Variants in LAMA2 observed in about 807,000 individuals in gnomAD.
The protein encoded by LAMA2 is laminin subunit alpha 2.
Under a neutral mutation model 364.8 loss-of-function variants are expected in LAMA2, and 269 were observed. That is an observed-to-expected ratio of 0.74 (90% CI 0.67 to 0.82). The LOEUF is 0.82. Among genes scored for constraint, LAMA2 ranks in the 40% least tolerant of loss-of-function variants. The pLI, the probability that LAMA2 is intolerant of heterozygous loss-of-function variation, is 0.00. For missense variants in LAMA2, 3,807 were observed against 3,873.2 expected, an observed-to-expected ratio of 0.98 and a Z score of 0.45; for synonymous variants, 1,379 against 1,370.6, an observed-to-expected ratio of 1.01 and a Z score of -0.14.
At chr6:129,402,256 A>C in intron 38 of LAMA2, 68 bp from the exon 39 acceptor site, 42 of 1,199,906 alleles carry the variant, frequency 3.5e-5, no homozygotes, top group Middle Eastern at 2.0e-4. Context: ...TATGTCTCAT[A>C]GAGAAATTAG....
intron 22 of LAMA2, among the ~76,000 whole-genome samples, chr6:129,304,231 G>A (rs1773726052): frequency 6.6e-6 from 1 of 152,150 alleles, no homozygotes; most frequent in African/African-American, 2.4e-5. Flanking sequence ...CTTACTTTGA[G>A]TTTAATTTTC....
rs1482669448 is a variant in LAMA2 at position 129,475,486 on chromosome 6, A to G, written c.7451+85A>G. 6 of 933,950 alleles carry G rather than the reference A, an allele frequency of 6.4e-6. No homozygotes were observed. In the East Asian group the frequency reaches 1.5e-4, roughly 23 times the overall value. The allele number at this position is 933,950 out of a possible 1,614,324, so 57.9% of individuals were successfully genotyped here. ...TTAGATAAAGCAGCCGTGCAGAAGC[A>G]GAGCAACACCAGTACAGCTTTGTTC... is the stretch of plus-strand genomic sequence containing the variant. On this transcript the variant is annotated intron_variant, in intron 53 of 64. Coordinates refer to ENST00000421865, the MANE Select transcript of LAMA2 (RefSeq NM_000426.4).
intron 4 of LAMA2, among the ~76,000 whole-genome samples, chr6:129,124,663 C>A (rs1326887669): frequency 6.6e-6 from 1 of 152,084 alleles, no homozygotes; most frequent in African/African-American, 2.4e-5. Context: ...TGCTGTCTTG[C>A]AAGTAGAATA....
intron 40 of LAMA2, among the ~76,000 whole-genome samples, chr6:129,418,438 A>G (rs1285002774): frequency 2.0e-5 from 3 of 152,082 alleles, no homozygotes; most frequent in Admixed American, 6.5e-5. Flanking sequence ...TGGCTATGAT[A>G]GTCCAGATTT....
At position 129,215,697 on chromosome 6, in the gene LAMA2, C is replaced by T. The variant is rs80256648; in HGVS notation, c.1782+22844C>T. Among the ~76,000 whole-genome samples the T allele has an allele frequency of 1.1e-3, 170 of 152,170 alleles. 5 individuals are homozygous for T. In the East Asian group the frequency reaches 0.028, roughly 25 times the overall value. On this transcript the variant is annotated intron_variant, in intron 12 of 64. Transcript: ENST00000421865. ...GATTTCTTCACCTTGTATCCTTTGT[C>T]ACTTTATCTATAAAATGGAGAGTGT...
At chr6:128,946,421 A>T (rs1172837123) in intron 1 of LAMA2, among the ~76,000 whole-genome samples, 1 of 152,202 alleles carries the variant, frequency 6.6e-6, no homozygotes, top group Non-Finnish European at 1.5e-5. Context: ...GTGGACTGGG[A>T]TCCTCAGCTT....
chr6:129,191,608 G>A (rs1781527489), intron 11 of LAMA2, among the ~76,000 whole-genome samples: 1 of 152,072 alleles, frequency 6.6e-6, no homozygotes, highest in Non-Finnish European at 1.5e-5. Context: ...ACGTTAGAAA[G>A]GGAAGAAATG....
rs1394348694 is a variant in LAMA2, at chr6:128,998,439, T to C, written c.113-51479T>C. On this transcript the variant is annotated intron_variant, in intron 1 of 64. Transcript: ENST00000421865. ...AACAGCTCCGCTCTACAGCTCCCAG[T>C]GTGAGCGACGCAGAAGACGGTGATT... is the stretch of plus-strand genomic sequence containing the variant. Among the ~76,000 whole-genome samples the C allele has an allele frequency of 7.2e-5, 5 of 69,462 alleles. 1 individual carries two copies. The highest frequency in any genetic ancestry group is 1.1e-4 in the Admixed American group (1 of 8,904). 45.6% of individuals were successfully genotyped at this position (69,462 alleles called of 152,430 possible).
At position 129,032,463 on chromosome 6, in the gene LAMA2, A is replaced by G. The variant is rs80178826; in HGVS notation, c.113-17455A>G. Among the ~76,000 whole-genome samples the G allele has an allele frequency of 2.5e-3, 378 of 152,314 alleles. 14 individuals carry two copies. In the East Asian group the frequency reaches 0.069, roughly 28 times the overall value. On this transcript the variant is annotated intron_variant, in intron 1 of 64. Coordinates refer to ENST00000421865, the MANE Select transcript of LAMA2 (RefSeq NM_000426.4). ...GGAGCGTTAAGGAACAGAGATTTCT[A>G]GACAAGCCCTAAGCAAGGAAAAAGC...
chr6:129,154,233 A>G (rs1778974397), intron 7 of LAMA2, among the ~76,000 whole-genome samples: 1 of 152,134 alleles, frequency 6.6e-6, no homozygotes, highest in Non-Finnish European at 1.5e-5. Context: ...CAACATGGTG[A>G]AGCCCCATCT....
At chr6:129,056,892 G>T (rs1033812740) in intron 2 of LAMA2, among the ~76,000 whole-genome samples, 1 of 75,692 alleles carries the variant, frequency 1.3e-5, no homozygotes, top group Non-Finnish European at 2.6e-5. Context: ...CACCATGCCT[G>T]TGCTATTTTT....
In LAMA2 at chr6:129,205,478, G is replaced by GTATATATATATATA. The variant is rs749614184; in HGVS notation, c.1782+12628_1782+12641dup. Among the ~76,000 whole-genome samples the GTATATATATATATA allele has an allele frequency of 1.9e-3, 216 of 116,250 alleles. 2 individuals carry two copies. The highest frequency in any genetic ancestry group is 8.5e-3 in the African/African-American group (186 of 21,986). 76.3% of individuals were successfully genotyped at this position (116,250 alleles called of 152,430 possible). The stretch of plus-strand genomic sequence containing the variant: ...TCTCTTCTGGGAATTTATTCTGTAA[G>GTATATATATATATA]TATATATATATATATACACACACAC... On this transcript the variant is annotated intron_variant, in intron 12 of 64. Coordinates refer to ENST00000421865, the MANE Select transcript of LAMA2 (RefSeq NM_000426.4).
chr6:129,471,653 A>G (rs1783819039), intron 51 of LAMA2, among the ~76,000 whole-genome samples: 1 of 151,896 alleles, frequency 6.6e-6, no homozygotes, highest in Non-Finnish European at 1.5e-5. Flanking sequence ...TTATAAATCT[A>G]TTTTCTTTTA....
intron 7 of LAMA2, among the ~76,000 whole-genome samples, chr6:129,152,742 T>A (rs1428548574): frequency 6.6e-6 from 1 of 152,138 alleles, no homozygotes; most frequent in East Asian, 1.9e-4. Flanking sequence ...TCCCAGTATG[T>A]GTGTGGTGTT....
chr6:129,465,395 G>C (rs187794519), intron 51 of LAMA2, 106 bp downstream of exon 51: 3 of 982,984 alleles, frequency 3.1e-6, no homozygotes, highest in Non-Finnish European at 4.8e-6. Flanking sequence ...AGCTACTCAC[G>C]AGTTCAGTGA....
At chr6:129,088,440 G>A (rs1374609422) in intron 3 of LAMA2, among the ~76,000 whole-genome samples, 2 of 152,256 alleles carry the variant, frequency 1.3e-5, no homozygotes, top group African/African-American at 4.8e-5. Context: ...CGGCTGGGCA[G>A]AGGGGCTCCT....
At chr6:129,023,917 T>G (rs1042941121) in intron 1 of LAMA2, among the ~76,000 whole-genome samples, 1 of 152,226 alleles carries the variant, frequency 6.6e-6, no homozygotes, top group Non-Finnish European at 1.5e-5. Flanking sequence ...TGTTTGTCAT[T>G]CAGTCCATTT....
At chr6:129,250,357 C>G (rs1036447009) in intron 13 of LAMA2, 144 bp downstream of exon 13, 4 of 667,694 alleles carry the variant, frequency 6.0e-6, no homozygotes, top group South Asian at 3.3e-5. Flanking sequence ...TTGTGCCACT[C>G]TTTTGTTTCA....
intron 8 of LAMA2, among the ~76,000 whole-genome samples, chr6:129,162,726 A>G (rs1030657146): frequency 6.6e-6 from 1 of 152,074 alleles, no homozygotes. Context: ...AAATTTTTTT[A>G]TATCTGCCTT....
Sources: allele counts gnomAD v4.1 joint callset (sites outside exome capture counted in the v4.1 genomes callset), GRCh38; gene constraint gnomAD v4.1.1; transcripts MANE v1.5; gene names NCBI Gene and HGNC (gene_info 2026-07-23, HGNC 2026-07-21).